Variants in PKP1 observed in about 807,000 individuals in gnomAD.
PKP1 encodes the protein plakophilin 1.
In PKP1, 27 loss-of-function variants were observed where a neutral mutation model predicts 76.4. The ratio of observed to expected loss-of-function variants is 0.35; its 90% confidence interval spans 0.26 to 0.49. PKP1 has a LOEUF of 0.49. PKP1 is among the 20% of genes least tolerant of loss of function. PKP1 has a pLI of 0.99. For missense variants in PKP1, 964 were observed against 955.2 expected (o/e 1.01, Z -0.12); for synonymous variants, 404 against 384.2 (o/e 1.05, Z -0.60).
intron 1 of PKP1, among the ~76,000 whole-genome samples, chr1:201,289,836 C>T (rs911750200): frequency 9.2e-5 from 14 of 152,038 alleles, no homozygotes; most frequent in African/African-American, 2.2e-4. Flanking sequence ...GAGCTGGGTG[C>T]GGTCATCTTT....
rs1657334120 is a variant in PKP1 at position 201,331,847 on chromosome 1, C to T, written c.*1806C>T. On this transcript the variant is annotated 3_prime_UTR_variant, in exon 14 of 14. Transcript: ENST00000367324. ...GCTTCTGTTCACACTGGGAGGCCCA[C>T]TCCTGGCTCACCTCTCCCTCTCAGG... The T allele has an allele frequency of 6.6e-6, 1 of 152,404 alleles. No individual in the cohort carries two copies. Among genetic ancestry groups the T allele is most frequent in the Non-Finnish European group, 1.5e-5 (1 of 68,184 alleles). 9.4% of individuals were successfully genotyped at this position (152,404 alleles called of 1,614,324 possible).
At chr1:201,318,895 C>A in intron 6 of PKP1, 100 bp downstream of exon 6, 2 of 1,011,258 alleles carry the variant, frequency 2.0e-6, no homozygotes, top group Non-Finnish European at 3.0e-6. Context: ...TAGAACATAA[C>A]AGACAACCCG....
intron 6 of PKP1, chr1:201,319,753 A>G (rs1471261844): frequency 5.1e-6 from 8 of 1,555,750 alleles, no homozygotes; most frequent in Non-Finnish European, 7.1e-6. Context: ...TCTGGTGCCC[A>G]GCCCGGCCAC....
chr1:201,312,577 G>A (rs951307673), intron 2 of PKP1, among the ~76,000 whole-genome samples: 3 of 152,198 alleles, frequency 2.0e-5, no homozygotes, highest in African/African-American at 7.2e-5. Context: ...CTCAGGTGCC[G>A]ACAGCACCCA....
intron 6 of PKP1, chr1:201,319,742 T>C (rs1180294672): frequency 5.4e-6 from 8 of 1,490,410 alleles, no homozygotes; most frequent in Non-Finnish European, 6.5e-6. Context: ...GAGAGGGAGC[T>C]TCTGGTGCCC....
At chr1:201,286,754 T>C (rs1174635086) in intron 1 of PKP1, among the ~76,000 whole-genome samples, 1 of 152,146 alleles carries the variant, frequency 6.6e-6, no homozygotes, top group Non-Finnish European at 1.5e-5. Flanking sequence ...CCTGTGTGCC[T>C]CAGGGTGTCT....
chr1:201,309,470 C>T (rs1018749081), intron 2 of PKP1, among the ~76,000 whole-genome samples: 1 of 152,216 alleles, frequency 6.6e-6, no homozygotes, highest in African/African-American at 2.4e-5. Flanking sequence ...CCAGTCTAGC[C>T]TGCTGTCTGG....
chr1:201,315,056 A>T (rs1185583131), intron 3 of PKP1, among the ~76,000 whole-genome samples: 3 of 152,232 alleles, frequency 2.0e-5, no homozygotes, highest in Non-Finnish European at 4.4e-5. Flanking sequence ...ATAGAGCTAG[A>T]CGTTTCCGAA....
At chr1:201,314,744 A>T (rs1656673423) in intron 3 of PKP1, among the ~76,000 whole-genome samples, 1 of 152,194 alleles carries the variant, frequency 6.6e-6, no homozygotes, top group Non-Finnish European at 1.5e-5. Flanking sequence ...TATTTGGCAA[A>T]TGTTTGCCGA....
rs185470009 is a variant in PKP1 at position 201,328,358 on chromosome 1, C to G, written c.2107-404C>G. The G allele has an allele frequency of 9.0e-6, 3 of 332,228 alleles. 1 individual carries two copies. The Admixed American group carries it at 1.3e-4, about 14-fold the overall frequency. The allele number at this position is 332,228 out of a possible 1,614,324, so 20.6% of individuals were successfully genotyped here. Reference sequence around the variant, plus strand: ...GTGTTTGAGAAACAATGGGCATGTCCTCTCTGCCCAAGAGCTCTTGTCAGA... The same window carrying G: ...GTGTTTGAGAAACAATGGGCATGTCGTCTCTGCCCAAGAGCTCTTGTCAGA... On this transcript the variant is annotated intron_variant, in intron 12 of 13. Coordinates refer to ENST00000367324, the MANE Select transcript of PKP1 (RefSeq NM_001005337.3).
chr1:201,299,506 C>T (rs1524752), intron 2 of PKP1, among the ~76,000 whole-genome samples: 5,247 of 152,262 alleles, frequency 0.034, 313 homozygotes, highest in African/African-American at 0.12. Context: ...CAGCCAAGGA[C>T]TCACTTAGGG....
At chr1:201,319,711 G>C in intron 6 of PKP1, 1 of 1,123,192 alleles carries the variant, frequency 8.9e-7, no homozygotes, top group Non-Finnish European at 1.3e-6. Flanking sequence ...CTACTGCTGG[G>C]GGCAGAACAC....
chr1:201,325,719 A>C, intron 11 of PKP1, 35 bp from the exon 12 acceptor site: 79 of 1,450,376 alleles, frequency 5.4e-5, no homozygotes, highest in Non-Finnish European at 6.3e-5. Context: ...ACCTCCTGGA[A>C]TCTCATCTCA....
intron 9 of PKP1, 136 bp downstream of exon 9, chr1:201,323,325 T>C (rs1263342693): frequency 5.0e-6 from 4 of 794,248 alleles, no homozygotes; most frequent in Non-Finnish European, 6.3e-6. Flanking sequence ...TGGCATATGC[T>C]GGGCTCTGGG....
chr1:201,284,027 G>T (rs1257782249), intron 1 of PKP1, 123 bp downstream of exon 1: 6 of 918,302 alleles, frequency 6.5e-6, no homozygotes, highest in South Asian at 1.4e-5. Flanking sequence ...CCGGCCCCAG[G>T]CAGGGTCTAC....
At position 201,300,363 on chromosome 1, in the gene PKP1, C is replaced by T. The variant is rs1245738855; in HGVS notation, c.306+6318C>T. Among the ~76,000 whole-genome samples the T allele has an allele frequency of 2.0e-5, 3 of 152,240 alleles. No homozygotes were observed. The East Asian group carries it at 5.8e-4, about 29-fold the overall frequency. On this transcript the variant is annotated intron_variant, in intron 2 of 13. Transcript: ENST00000367324. ...CTTGGGAGGGGCCCTCCTTTCTAAG[C>T]CACAGTCCATCAGAGTGGCTCTGCT...
intron 2 of PKP1, among the ~76,000 whole-genome samples, chr1:201,307,932 G>C (rs1377220321): frequency 1.3e-5 from 2 of 152,212 alleles, no homozygotes; most frequent in Non-Finnish European, 2.9e-5. Flanking sequence ...TGTGTGACTT[G>C]GCAAGCAGAC....
At chr1:201,309,097 C>T (rs978822071) in intron 2 of PKP1, among the ~76,000 whole-genome samples, 1 of 152,020 alleles carries the variant, frequency 6.6e-6, no homozygotes, top group African/African-American at 2.4e-5. Flanking sequence ...GAATGGCTCT[C>T]TCAAGGGGCA....
At chr1:201,284,682 A>G (rs948477567) in intron 1 of PKP1, among the ~76,000 whole-genome samples, 1 of 152,212 alleles carries the variant, frequency 6.6e-6, no homozygotes, top group Non-Finnish European at 1.5e-5. Context: ...CGAATAGCCA[A>G]TGCAGAAATC....
Sources: allele counts gnomAD v4.1 joint callset (sites outside exome capture counted in the v4.1 genomes callset), GRCh38; gene constraint gnomAD v4.1.1; transcripts MANE v1.5; gene names NCBI Gene and HGNC (gene_info 2026-07-23, HGNC 2026-07-21).